The following EML6 variants were observed in gnomAD, a reference collection of about 807,000 sequenced individuals.
The protein encoded by EML6 is EMAP like 6.
EML6 carries 154 observed loss-of-function variants against 240.1 expected under a neutral mutation model. The observed-to-expected ratio is 0.64, with a 90% confidence interval of 0.56 to 0.73. The LOEUF is 0.73. Ranked by LOEUF, EML6 falls within the 30% of genes least tolerant of loss-of-function variation. EML6 has a pLI of 0.00. For synonymous variants in EML6, 1,148 were observed against 899.0 expected (o/e 1.28, Z -4.95); for missense variants, 2,964 against 2,474.6 (o/e 1.20, Z -4.20).
At chr2:54,878,610 C>T (rs138910321) in intron 16 of EML6, among the ~76,000 whole-genome samples, 250 of 152,140 alleles carry the variant, frequency 1.6e-3, no homozygotes, top group African/African-American at 5.8e-3. Context: ...ACCTAAATGT[C>T]CAAATTATAG....
chr2:54,885,612 A>T (rs1251788747), intron 17 of EML6, among the ~76,000 whole-genome samples: 5 of 151,138 alleles, frequency 3.3e-5, no homozygotes, highest in African/African-American at 1.2e-4. Flanking sequence ...TCACTTTTTG[A>T]TTTTCTTTTT....
chr2:54,892,751 C>G (rs751008400), intron 19 of EML6, 95 bp downstream of exon 19: 75 of 885,226 alleles, frequency 8.5e-5, no homozygotes, highest in Middle Eastern at 2.2e-4. Context: ...GTATCTAAAA[C>G]AGGCCTGTCT....
chr2:54,795,461 C>T (rs1443316423), intron 2 of EML6, among the ~76,000 whole-genome samples: 1 of 152,148 alleles, frequency 6.6e-6, no homozygotes, highest in Non-Finnish European at 1.5e-5. Context: ...GGAGATGAGA[C>T]TTGGGAACAC....
At chr2:54,931,801 A>T (rs1187195009) in intron 28 of EML6, among the ~76,000 whole-genome samples, 1 of 152,182 alleles carries the variant, frequency 6.6e-6, no homozygotes, top group Non-Finnish European at 1.5e-5. Context: ...TCACTTAGCA[A>T]TGTTTCAGGC....
intron 28 of EML6, among the ~76,000 whole-genome samples, chr2:54,933,682 A>G (rs993078617): frequency 1.3e-5 from 2 of 152,152 alleles, no homozygotes; most frequent in Non-Finnish European, 2.9e-5. Context: ...CAGCAAGCCA[A>G]GATGGCACTG....
chr2:54,850,368 A>G (rs1311900404), intron 10 of EML6, 150 bp downstream of exon 10: 1 of 646,774 alleles, frequency 1.5e-6, no homozygotes, highest in Non-Finnish European at 2.6e-6. Context: ...AGGGCAAGGA[A>G]TGTTTTCTGT....
In EML6 at chr2:54,892,484, T is replaced by G; in HGVS notation, c.2570T>G (p.Phe857Cys). 6 of 1,551,406 alleles carry G rather than the reference T, an allele frequency of 3.9e-6. No homozygotes were observed. In the Middle Eastern group the frequency reaches 1.0e-3, roughly 259 times the overall value. The change falls in exon 19 of 42, where the codon TTT becomes TGT. Residue 857 changes from phenylalanine (F) to cysteine (C), a missense_variant. Phe to Cys is a radical substitution (Grantham distance 205, BLOSUM62 -2). Coordinates refer to ENST00000356458, the MANE Select transcript of EML6 (RefSeq NM_001039753.4). ...GGGFTSKRGT[F>C]GSVGKLETMM... ...GGCTTCACTTCTAAAAGAGGAACTT[T>G]TGGAAGCGTTGGAAAATTGGAAACA...
At chr2:54,882,009 T>A (rs1302958533) in intron 17 of EML6, 1 of 152,228 alleles carries the variant, frequency 6.6e-6, no homozygotes, top group African/African-American at 2.4e-5. Context: ...TGCTGACGTG[T>A]GCCAGCTGTG....
intron 11 of EML6, among the ~76,000 whole-genome samples, chr2:54,857,234 A>G (rs1670433567): frequency 6.6e-6 from 1 of 152,188 alleles, no homozygotes; most frequent in Admixed American, 6.5e-5. Context: ...TCAGTGCTCC[A>G]GGGAGATGTC....
At chr2:54,808,523 CA>C (rs1670617329) in intron 2 of EML6, among the ~76,000 whole-genome samples, 1 of 150,168 alleles carries the variant, frequency 6.7e-6, no homozygotes, top group African/African-American at 2.4e-5. Flanking sequence ...TTTTTTTTTC[CA>C]AAAACAAAAC....
Position 54,737,510 on chromosome 2 carries a change from G to A in EML6, c.197+12252G>A, listed in dbSNP as rs185190618. On this transcript the variant is annotated intron_variant, in intron 2 of 41. Coordinates refer to ENST00000356458, the MANE Select transcript of EML6 (RefSeq NM_001039753.4). ...GTCAGGGTTTCATCATTTTGGCCAG[G>A]CTGGTCTTGAACTCCTGACCTTAAT... 7.2e-5 allele frequency among the ~76,000 whole-genome samples: 11 copies of A among 152,196 alleles called. No individual in the cohort carries two copies. In the East Asian group the frequency reaches 2.1e-3, roughly 29 times the overall value.
chr2:54,811,634 A>C (rs1667853125), intron 2 of EML6, among the ~76,000 whole-genome samples: 1 of 152,212 alleles, frequency 6.6e-6, no homozygotes. Context: ...ATAGGTCCAC[A>C]AGGGCCTGTT....
At position 54,952,468 on chromosome 2, in the gene EML6, A is replaced by G. The variant is rs1320664359; in HGVS notation, c.4214-126A>G. The G allele has an allele frequency of 1.0e-5, 6 of 580,770 alleles. No homozygotes were observed. In the Admixed American group the frequency reaches 1.3e-4, roughly 12 times the overall value. 36.0% of individuals were successfully genotyped at this position (580,770 alleles called of 1,614,324 possible). A position where few individuals can be genotyped will look rare whatever the true frequency, so the allele number is the denominator to read the frequency against. Reference sequence around the variant, plus strand: ...CTCCCCAAGTGTGATTCTGGAAGTGAGAATTTGAGGGCTGTAAGCTCTCAC... The same window carrying G: ...CTCCCCAAGTGTGATTCTGGAAGTGGGAATTTGAGGGCTGTAAGCTCTCAC... On this transcript the variant is annotated intron_variant, in intron 30 of 41. Transcript: ENST00000356458.
rs1044802531 is a variant in EML6, at chr2:54,895,107, T to G, written c.2854+81T>G. On this transcript the variant is annotated intron_variant, in intron 20 of 41. Transcript: ENST00000356458. ...TGTACTAAAGTTTTTAGAAAACTATTAGCAAATCAATTTTCTCCCTCTTCC... is the reference window on the plus strand; with the variant it reads ...TGTACTAAAGTTTTTAGAAAACTATGAGCAAATCAATTTTCTCCCTCTTCC... 6.0e-6 allele frequency: 8 copies of G among 1,339,166 alleles called. No homozygotes were observed. The African/African-American group carries it at 1.0e-4, about 17-fold the overall frequency. The allele number at this position is 1,339,166 out of a possible 1,614,324, so 83.0% of individuals were successfully genotyped here.
At chr2:54,751,703 A>G (rs989129826) in intron 2 of EML6, among the ~76,000 whole-genome samples, 14 of 152,170 alleles carry the variant, frequency 9.2e-5, no homozygotes, top group Non-Finnish European at 1.9e-4. Flanking sequence ...AGAACATGTT[A>G]TTCCATGTTG....
At chr2:54,861,356 T>C (rs553268925) in intron 12 of EML6, among the ~76,000 whole-genome samples, 1 of 152,154 alleles carries the variant, frequency 6.6e-6, no homozygotes, top group Admixed American at 6.5e-5. Flanking sequence ...CCACAGAAAA[T>C]GAAGAGGTAG....
chr2:54,812,055 A>G (rs897129249), intron 2 of EML6, among the ~76,000 whole-genome samples: 5 of 152,202 alleles, frequency 3.3e-5, no homozygotes, highest in East Asian at 1.9e-4. Context: ...TCACACAGGC[A>G]TGTTTATGTT....
chr2:54,815,304 A>T (rs1668034051), intron 3 of EML6, among the ~76,000 whole-genome samples: 1 of 152,106 alleles, frequency 6.6e-6, no homozygotes, highest in Admixed American at 6.6e-5. Flanking sequence ...GCCATGGTGG[A>T]TTTCCTGGCT....
chr2:54,854,947 A>G (rs143751843), intron 11 of EML6, among the ~76,000 whole-genome samples: 1 of 152,292 alleles, frequency 6.6e-6, no homozygotes. Flanking sequence ...AAGAAACAAC[A>G]TTGGGGTCAG....
Sources: gnomAD v4.1 joint callset for allele counts (sites outside exome capture counted in the v4.1 genomes callset) on GRCh38, gnomAD v4.1.1 for gene constraint, MANE v1.5 for transcripts, NCBI Gene and HGNC (gene_info 2026-07-23, HGNC 2026-07-21) for gene names.